The following CPVL variants were observed in gnomAD, a reference collection of about 807,000 sequenced individuals.
CPVL encodes carboxypeptidase vitellogenic like.
CPVL carries 51 observed loss-of-function variants against 63.7 expected under a neutral mutation model. The observed-to-expected ratio is 0.80, with a 90% CI of 0.64 to 1.01. CPVL has a LOEUF of 1.01. Among genes scored for constraint, CPVL ranks in the 50% least tolerant of loss-of-function variants. The pLI is 0.00. For missense variants in CPVL, 530 were observed against 573.1 expected, an observed-to-expected ratio of 0.92 and a Z score of 0.77; for synonymous variants, 195 against 206.0, an observed-to-expected ratio of 0.95 and a Z score of 0.46.
rs1335502849 is a variant in CPVL at position 29,064,110 on chromosome 7, G to A, written c.1088C>T (p.Thr363Ile). 6 of 1,612,820 alleles carry A rather than the reference G, an allele frequency of 3.7e-6. No individual in the cohort carries two copies. In the South Asian group the frequency reaches 4.4e-5, roughly 12 times the overall value. Reference sequence around the variant, plus strand: ...TAACCATGGCTTAACTGACTGTACTGTATCTTCTCGCAAGTACTTTTCAAC... The same window carrying A: ...TAACCATGGCTTAACTGACTGTACTATATCTTCTCGCAAGTACTTTTCAAC... ...TIVEKYLRED[T>I]VQSVKPWLTE... The change falls in exon 11 of 13, where the codon ACA (threonine) becomes ATA (isoleucine). Residue 363 changes from threonine (T) to isoleucine (I), a missense_variant. Thr to Ile is a moderately conservative substitution (Grantham distance 89). Transcript: ENST00000265394.
At chr7:29,176,130 G>A (rs140369845) in intron 5 of CPVL, among the ~76,000 whole-genome samples, 9,161 of 151,810 alleles carry the variant, frequency 0.06, 393 homozygotes, top group South Asian at 0.12. Flanking sequence ...AGCTTACAGT[G>A]AGCCAAGATC....
chr7:29,153,257 A>G (rs1394919993), intron 5 of CPVL, among the ~76,000 whole-genome samples: 1 of 152,186 alleles, frequency 6.6e-6, no homozygotes, highest in Non-Finnish European at 1.5e-5. Context: ...CAAGCCTCCA[A>G]AGAAAGAGGC....
intron 1 of CPVL, among the ~76,000 whole-genome samples, chr7:29,121,691 C>T (rs1385791496): frequency 1.3e-5 from 2 of 152,118 alleles, no homozygotes; most frequent in Admixed American, 1.3e-4. Context: ...ATGGGAAAGG[C>T]ATCATGGGTG....
At chr7:29,132,999 C>T in intron 1 of CPVL, among the ~76,000 whole-genome samples, 1 of 152,164 alleles carries the variant, frequency 6.6e-6, no homozygotes, top group Non-Finnish European at 1.5e-5. Context: ...TCAGATCAAA[C>T]CAGCCAAAAT....
chr7:29,087,001 T>C (rs764832944), intron 6 of CPVL, among the ~76,000 whole-genome samples: 41 of 152,114 alleles, frequency 2.7e-4, no homozygotes, highest in Admixed American at 2.0e-3. Flanking sequence ...AATGCCACAT[T>C]TTAATAACCA....
At chr7:29,092,942 T>C (rs1785977298) in intron 5 of CPVL, among the ~76,000 whole-genome samples, 1 of 152,184 alleles carries the variant, frequency 6.6e-6, no homozygotes, top group Non-Finnish European at 1.5e-5. Context: ...CTGGGGTCAG[T>C]GGCTGAGCTG....
chr7:28,996,830 C>T (rs1015430711), intron 12 of CPVL, among the ~76,000 whole-genome samples: 2 of 152,014 alleles, frequency 1.3e-5, no homozygotes, highest in Non-Finnish European at 2.9e-5. Context: ...GCATGTAGTG[C>T]ACTTCCCCCA....
intron 11 of CPVL, among the ~76,000 whole-genome samples, chr7:29,050,732 CG>C (rs1562741584): frequency 2.6e-4 from 39 of 151,122 alleles, no homozygotes; most frequent in African/African-American, 8.3e-4. Context: ...TCACAGAATT[CG>C]AAAAGCCAAT....
intron 3 of CPVL, among the ~76,000 whole-genome samples, chr7:29,109,297 C>T (rs1457899307): frequency 6.6e-6 from 1 of 152,214 alleles, no homozygotes; most frequent in African/African-American, 2.4e-5. Flanking sequence ...AACAGGAAAA[C>T]AAAACTAATT....
chr7:29,080,123 C>T (rs751139338), intron 7 of CPVL, among the ~76,000 whole-genome samples: 6 of 151,808 alleles, frequency 4.0e-5, no homozygotes, highest in African/African-American at 7.3e-5. Flanking sequence ...GAAAGGGAGG[C>T]GAGAGGAGCA....
At chr7:29,117,073 C>T (rs1331555371) in intron 2 of CPVL, among the ~76,000 whole-genome samples, 1 of 152,090 alleles carries the variant, frequency 6.6e-6, no homozygotes, top group South Asian at 2.1e-4. Flanking sequence ...ATTTGAATAC[C>T]CAGATGTACC....
chr7:29,028,086 C>A (rs1787671479), intron 12 of CPVL, among the ~76,000 whole-genome samples: 1 of 152,064 alleles, frequency 6.6e-6, no homozygotes, highest in South Asian at 2.1e-4. Context: ...GGTATTAGTA[C>A]AAAAACAGGC....
intron 1 of CPVL, 137 bp from the exon 2 acceptor site, chr7:29,121,208 C>A: frequency 2.8e-6 from 2 of 716,828 alleles, no homozygotes; most frequent in Non-Finnish European, 4.3e-6. Context: ...TTGGATAGCA[C>A]CATAAATAAG....
chr7:29,031,018 T>C (rs1028779088), intron 11 of CPVL, among the ~76,000 whole-genome samples: 3 of 152,212 alleles, frequency 2.0e-5, no homozygotes, highest in Non-Finnish European at 2.9e-5. Context: ...GTGATACATA[T>C]ATACAGGTTT....
chr7:29,063,990 C>A, intron 11 of CPVL, 71 bp downstream of exon 11: 3 of 1,018,480 alleles, frequency 2.9e-6, no homozygotes, highest in Non-Finnish European at 2.9e-6. Flanking sequence ...AGGCAGGACT[C>A]AAATTACAAA....
intron 12 of CPVL, among the ~76,000 whole-genome samples, chr7:29,006,243 T>C (rs1346598922): frequency 6.6e-6 from 1 of 152,180 alleles, no homozygotes; most frequent in African/African-American, 2.4e-5. Flanking sequence ...ATACTACAAA[T>C]CAGTGCCCTC....
At chr7:29,065,785 T>C (rs1187763356) in intron 10 of CPVL, among the ~76,000 whole-genome samples, 3 of 152,118 alleles carry the variant, frequency 2.0e-5, no homozygotes, top group African/African-American at 7.2e-5. Flanking sequence ...GGGGAAATCA[T>C]GTTCATCAGA....
At position 29,176,181 on chromosome 7, in the gene CPVL, G is replaced by A. The variant is rs10276051; in HGVS notation, c.-11+5109C>T. ...AGCCTAGGCGACAGAGCAAGACTCCGTCTCAAGAAAAAAAAAACAGATAAA... is the reference window on the plus strand; with the variant it reads ...AGCCTAGGCGACAGAGCAAGACTCCATCTCAAGAAAAAAAAAACAGATAAA... On this transcript the variant is annotated intron_variant, in intron 5 of 16. Coordinates refer to the CPVL transcript ENST00000409850. Among the ~76,000 whole-genome samples, 506 of 147,596 alleles carry A rather than the reference G, an allele frequency of 3.4e-3. 3 individuals carry two copies. The highest frequency in any genetic ancestry group is 0.012 in the African/African-American group (469 of 39,100).
At chr7:29,130,931 T>C (rs1413777421) in intron 1 of CPVL, among the ~76,000 whole-genome samples, 1 of 152,212 alleles carries the variant, frequency 6.6e-6, no homozygotes, top group Non-Finnish European at 1.5e-5. Context: ...CTTCTTTCAG[T>C]TTCAGAAATT....
Sources: allele counts gnomAD v4.1 joint callset (sites outside exome capture counted in the v4.1 genomes callset), GRCh38; gene constraint gnomAD v4.1.1; transcripts MANE v1.5; gene names NCBI Gene and HGNC (gene_info 2026-07-23, HGNC 2026-07-21).